Variants in LIG1 observed in about 807,000 individuals in gnomAD.
LIG1 encodes the protein DNA ligase 1.
Under a neutral mutation model 115.7 loss-of-function variants are expected in LIG1, and 70 were observed. The observed-to-expected ratio is 0.60, with a 90% CI of 0.50 to 0.74. The LOEUF (loss-of-function observed/expected upper bound fraction) is 0.74, where lower values mean the gene tolerates loss of function less well. LIG1 is among the 30% of genes least tolerant of loss of function. LIG1 has a pLI of 0.00. For missense variants in LIG1, 1,115 were observed against 1,225.6 expected (o/e 0.91, Z 1.35); for synonymous variants, 487 against 495.3 (o/e 0.98, Z 0.22).
At chr19:48,149,636 G>T in intron 9 of LIG1, 127 bp downstream of exon 9, 1 of 756,098 alleles carries the variant, frequency 1.3e-6, no homozygotes, top group Non-Finnish European at 2.3e-6. Context: ...TTTACTCTCT[G>T]GCTCTTTATA....
intron 2 of LIG1, among the ~76,000 whole-genome samples, chr19:48,165,068 G>C (rs1053151520): frequency 1.3e-5 from 2 of 152,208 alleles, no homozygotes; most frequent in African/African-American, 4.8e-5. Context: ...AGACCAGCCT[G>C]ACCAACGTGG....
chr19:48,156,318 C>T (rs1481071756), intron 5 of LIG1, among the ~76,000 whole-genome samples: 2 of 152,194 alleles, frequency 1.3e-5, no homozygotes, highest in Admixed American at 1.3e-4. Context: ...TGAGCCATGG[C>T]CCCGCGCTTG....
chr19:48,139,472 C>T (rs967282564), intron 12 of LIG1, among the ~76,000 whole-genome samples: 3 of 152,166 alleles, frequency 2.0e-5, no homozygotes, highest in African/African-American at 7.2e-5. Context: ...CCTTCCATGG[C>T]TCCCCAGTGT....
chr19:48,141,318 G>A (rs1246233401), intron 11 of LIG1, among the ~76,000 whole-genome samples: 1 of 152,132 alleles, frequency 6.6e-6, no homozygotes. Context: ...TTTTAGTAGA[G>A]ACGGGGTTTC....
chr19:48,169,889 G>T (rs1599908891), intron 1 of LIG1: 1 of 88,836 alleles, frequency 1.1e-5, no homozygotes, highest in Non-Finnish European at 2.1e-5. Flanking sequence ...CCGATTTCCA[G>T]CTGGCCCCGC....
At chr19:48,116,024 C>A in intron 26 of LIG1, 59 bp from the exon 27 acceptor site, 1 of 1,210,438 alleles carries the variant, frequency 8.3e-7, no homozygotes. Context: ...TGCTCAGTCT[C>A]CTCCCTCCTC....
intron 25 of LIG1, 105 bp downstream of exon 25, chr19:48,119,032 T>G (rs1292350795): frequency 3.3e-6 from 3 of 923,038 alleles, no homozygotes; most frequent in Non-Finnish European, 5.2e-6. Flanking sequence ...TGCCCACACC[T>G]GGAGCCCCAA....
chr19:48,159,833 T>C (rs1363785733), intron 4 of LIG1, among the ~76,000 whole-genome samples: 1 of 152,184 alleles, frequency 6.6e-6, no homozygotes, highest in East Asian at 1.9e-4. Flanking sequence ...TTCTCCTGCC[T>C]CATCCTCCCG....
chr19:48,143,876 AC>A lies in LIG1; in HGVS notation c.857+6del, dbSNP rs752126531. 39 of 1,597,550 alleles carry A rather than the reference AC, an allele frequency of 2.4e-5. No individual in the cohort carries two copies. Among genetic ancestry groups the A allele is most frequent in the Non-Finnish European group, 3.3e-5 (38 of 1,165,506 alleles). The stretch of plus-strand genomic sequence containing the variant: ...AGGGGGACAGTCTGAAAAGGGAGAA[AC>A]CTCACTTCTGGCCCGGTTTCCAGCA... On this transcript the variant is annotated splice_donor_region_variant and intron_variant, in intron 10 of 27. Coordinates refer to ENST00000263274, the MANE Select transcript of LIG1 (RefSeq NM_000234.3).
rs116084371 is a variant in LIG1, at chr19:48,120,629, T to C, written c.2385+541A>G. 8.4e-4 allele frequency: 735 copies of C among 872,042 alleles called. 3 individuals carry two copies. The African/African-American group carries it at 0.013, about 15-fold the overall frequency. 54.0% of individuals were successfully genotyped at this position (872,042 alleles called of 1,614,324 possible). On this transcript the variant is annotated intron_variant, in intron 24 of 27. Transcript: ENST00000263274. The stretch of plus-strand genomic sequence containing the variant: ...ATTCCTTGCAGCTAGGGGTGAGCCA[T>C]GGAGCAAAGTGATGAGCAACAGAAC...
rs537959699 is a variant in LIG1 at position 48,152,130 on chromosome 19, C to CT, written c.467-792dup. On this transcript the variant is annotated intron_variant, in intron 6 of 27. Coordinates refer to ENST00000263274, the MANE Select transcript of LIG1 (RefSeq NM_000234.3). Reference sequence around the variant, plus strand: ...AAAAATTGTCAATAAGAAATCAAATCTTTTTTTTTTGAGACACAGTCTCCC... The same window carrying CT: ...AAAAATTGTCAATAAGAAATCAAATCTTTTTTTTTTTGAGACACAGTCTCCC... 1.6e-3 allele frequency among the ~76,000 whole-genome samples: 237 copies of CT among 149,276 alleles called. 1 individual carries two copies. The highest frequency in any genetic ancestry group is 3.5e-3 in the Middle Eastern group (1 of 286).
chr19:48,123,994 A>G (rs1390773355), intron 21 of LIG1, among the ~76,000 whole-genome samples: 1 of 152,104 alleles, frequency 6.6e-6, no homozygotes, highest in African/African-American at 2.4e-5. Flanking sequence ...GAGAGGAAGG[A>G]GGTGATCTGA....
In LIG1 at chr19:48,123,200, G is replaced by A; in HGVS notation, c.2123C>T (p.Ala708Val). ...TTTCACTGACTGCTCCAGGAACTCG[G>A]CGATCTGCTCGATGTCCTTGGTGTC... ...SLDTKDIEQI[A>V]EFLEQSVKDS... The change falls in exon 22 of 28, where the codon GCC (alanine) becomes GTC (valine). Residue 708 changes from alanine (A) to valine (V), a missense_variant. Coordinates refer to ENST00000263274, the MANE Select transcript of LIG1 (RefSeq NM_000234.3). 6.2e-7 allele frequency: 1 copy of A among 1,614,078 alleles called. No individual in the cohort carries two copies. Among genetic ancestry groups the A allele is most frequent in the African/African-American group, 1.3e-5 (1 of 75,028 alleles).
chr19:48,135,521 T>C (rs1163708163), intron 16 of LIG1, among the ~76,000 whole-genome samples, 159 bp downstream of exon 16: 4 of 152,126 alleles, frequency 2.6e-5, no homozygotes, highest in Non-Finnish European at 5.9e-5. Context: ...GCACCAGCCT[T>C]GTCTAGATCA....
intron 9 of LIG1, among the ~76,000 whole-genome samples, chr19:48,148,574 A>C (rs1779429494): frequency 1.3e-5 from 2 of 151,948 alleles, no homozygotes; most frequent in South Asian, 4.2e-4. Flanking sequence ...CTGCAATGTA[A>C]GGTGGACAGG....
chr19:48,145,066 C>T (rs3730924), intron 9 of LIG1, among the ~76,000 whole-genome samples: 49,099 of 152,070 alleles, frequency 0.32, 8,539 homozygotes, highest in East Asian at 0.55. Flanking sequence ...AGCAACCATG[C>T]CCGACTGATC....
Position 48,123,293 on chromosome 19 carries a change from C to T in LIG1, c.2030G>A (p.Arg677Gln), listed in dbSNP as rs3731008. The T allele has an allele frequency of 6.2e-7, 1 of 1,613,744 alleles. No homozygotes were observed. Among genetic ancestry groups the T allele is most frequent in the Admixed American group, 1.7e-5 (1 of 59,996 alleles). ...GESLVREPLS[R>Q]RRQLLRENFV... ...GTTCTCCCGGAGCAGCTGCCGGCGC[C>T]GGGAAAGGGGCTCACGTACCAGGGA... Residue 677 changes from arginine (R) to glutamine (Q), a missense_variant, in exon 22 of 28, where the codon CGG becomes CAG. Physicochemically the swap from Arg to Gln is conservative, Grantham distance 43. Transcript: ENST00000263274.
rs138203633 is a variant in LIG1, at chr19:48,123,818, G to A, written c.2005-500C>T. 2.9e-3 allele frequency among the ~76,000 whole-genome samples: 439 copies of A among 150,540 alleles called. 6 individuals are homozygous for A. Among genetic ancestry groups the A allele is most frequent in the Non-Finnish European group, 4.4e-3 (300 of 67,824 alleles). On this transcript the variant is annotated intron_variant, in intron 21 of 27. Transcript: ENST00000263274. ...CTCCCAAAGTGTTGGGATTACAGGC[G>A]TGAGCCACTGCATCCAGCCTCATCC...
intron 7 of LIG1, among the ~76,000 whole-genome samples, chr19:48,150,924 C>T (rs1427084409): frequency 6.6e-6 from 1 of 152,002 alleles, no homozygotes; most frequent in African/African-American, 2.4e-5. Flanking sequence ...TGGTCTTGAA[C>T]TCCTGGGCTC....
Sources: gnomAD v4.1 joint callset for allele counts (sites outside exome capture counted in the v4.1 genomes callset) on GRCh38, gnomAD v4.1.1 for gene constraint, MANE v1.5 for transcripts, NCBI Gene and HGNC (gene_info 2026-07-23, HGNC 2026-07-21) for gene names.